Variants in BMAL1 observed in about 807,000 individuals in gnomAD.
BMAL1 encodes the protein basic helix-loop-helix ARNT like 1, also known as basic helix-loop-helix ARNT-like protein 1.
chr11:13,284,214 ATATATATATATATG>A, the BMAL1 span, among the ~76,000 whole-genome samples: 225 of 23,212 alleles, frequency 9.7e-3, 17 homozygotes, highest in East Asian at 0.092. Context: ...ATATATGTGT[ATATATATATATATG>A]TGTGTGTATA....
At chr11:13,315,046 AGTT>A in the BMAL1 span, among the ~76,000 whole-genome samples, 2,324 of 152,270 alleles carry the variant, frequency 0.015, 59 homozygotes, top group African/African-American at 0.053. Flanking sequence ...AGACCTGAGA[AGTT>A]GTGCCAAGAG....
chr11:13,361,986 C>A, the BMAL1 span, among the ~76,000 whole-genome samples: 2 of 152,218 alleles, frequency 1.3e-5, no homozygotes, highest in Non-Finnish European at 2.9e-5. Context: ...CGCCTAGCTG[C>A]AGGGCAGGGT....
the BMAL1 span, among the ~76,000 whole-genome samples, chr11:13,349,621 TA>T: frequency 2.6e-5 from 4 of 152,190 alleles, no homozygotes; most frequent in Non-Finnish European, 5.9e-5. Context: ...GTAGGAGAAA[TA>T]AAAAACACAA....
the BMAL1 span, chr11:13,356,624 T>C: frequency 8.0e-7 from 1 of 1,248,370 alleles, no homozygotes. Flanking sequence ...ACTGTGGCTG[T>C]TCGAACTTTA....
the BMAL1 span, among the ~76,000 whole-genome samples, chr11:13,368,878 TAACTC>T: frequency 6.6e-6 from 1 of 152,192 alleles, no homozygotes; most frequent in African/African-American, 2.4e-5. Context: ...AATGTAAAAT[TAACTC>T]CAAAATATTT....
At chr11:13,354,206 C>CCCCCCCCCCCAACCCCCA in the BMAL1 span, 1 of 880,512 alleles carries the variant, frequency 1.1e-6, no homozygotes, top group South Asian at 1.5e-5. Context: ...CCCGGCCCCC[C>CCCCCCCCCCCAACCCCCA]ACCACCAAAC....
the BMAL1 span, among the ~76,000 whole-genome samples, chr11:13,361,809 T>G: frequency 2.0e-5 from 3 of 152,176 alleles, no homozygotes; most frequent in African/African-American, 7.2e-5. Context: ...CTAGCTTGTT[T>G]CCTTAATGTA....
At chr11:13,285,497 G>C in the BMAL1 span, among the ~76,000 whole-genome samples, 18 of 152,080 alleles carry the variant, frequency 1.2e-4, no homozygotes, top group Non-Finnish European at 2.9e-5. Flanking sequence ...TGGGAGGGAG[G>C]GTACCTTATC....
the BMAL1 span, among the ~76,000 whole-genome samples, chr11:13,363,797 C>A: frequency 6.6e-6 from 1 of 152,200 alleles, no homozygotes; most frequent in African/African-American, 2.4e-5. Flanking sequence ...CTGCCACTGG[C>A]TGGCCCCTGT....
the BMAL1 span, chr11:13,386,465 G>T: frequency 3.1e-6 from 3 of 972,470 alleles, no homozygotes; most frequent in Non-Finnish European, 4.3e-6. Context: ...TAGCCATGCA[G>T]CCCAAAAAGC....
chr11:13,306,389 T>C, the BMAL1 span, among the ~76,000 whole-genome samples: 1 of 151,930 alleles, frequency 6.6e-6, no homozygotes, highest in Non-Finnish European at 1.5e-5. Flanking sequence ...ATGAGGACAG[T>C]GAGGAAGTGC....
At chr11:13,284,152 A>G in the BMAL1 span, among the ~76,000 whole-genome samples, 1 of 64,784 alleles carries the variant, frequency 1.5e-5, no homozygotes, top group Non-Finnish European at 2.9e-5. Context: ...ATGTGTATAT[A>G]TATATATGTG....
At chr11:13,377,764 T>C in the BMAL1 span, among the ~76,000 whole-genome samples, 1 of 152,224 alleles carries the variant, frequency 6.6e-6, no homozygotes. Context: ...ATGAATTCCT[T>C]GGAGGAGTCT....
chr11:13,374,467 G>A, the BMAL1 span, among the ~76,000 whole-genome samples: 1 of 152,142 alleles, frequency 6.6e-6, no homozygotes, highest in African/African-American at 2.4e-5. Flanking sequence ...TAAAGATTTA[G>A]TATGGCCCAG....
At chr11:13,360,579 G>T in the BMAL1 span, among the ~76,000 whole-genome samples, 1 of 151,998 alleles carries the variant, frequency 6.6e-6, no homozygotes, top group Non-Finnish European at 1.5e-5. Context: ...GTTTGGACAG[G>T]CTTCACATTT....
the BMAL1 span, among the ~76,000 whole-genome samples, chr11:13,354,017 T>C: frequency 6.6e-6 from 1 of 152,180 alleles, no homozygotes; most frequent in Admixed American, 6.5e-5. Context: ...ACCGAGAAGC[T>C]GCTCAGCTTC....
the BMAL1 span, among the ~76,000 whole-genome samples, chr11:13,384,545 G>T: frequency 2.6e-5 from 4 of 152,132 alleles, no homozygotes; most frequent in Non-Finnish European, 5.9e-5. Context: ...TATCAAAAAA[G>T]AATACAATTA....
At chr11:13,297,040 C>T in the BMAL1 span, among the ~76,000 whole-genome samples, 41,841 of 152,156 alleles carry the variant, frequency 0.27, 5,989 homozygotes, top group East Asian at 0.5. Flanking sequence ...GGTGTCTCTG[C>T]AGCCCTCCTC....
the BMAL1 span, among the ~76,000 whole-genome samples, chr11:13,362,847 A>G: frequency 6.6e-6 from 1 of 152,042 alleles, no homozygotes; most frequent in East Asian, 1.9e-4. Flanking sequence ...CACCATCTTG[A>G]AAACGTAATT....
Sources: gnomAD v4.1 joint callset for allele counts (sites outside exome capture counted in the v4.1 genomes callset) on GRCh38, gnomAD v4.1.1 for gene constraint, MANE v1.5 for transcripts, NCBI Gene and HGNC (gene_info 2026-07-23, HGNC 2026-07-21) for gene names.